KCNMB2: variants seen among roughly 807,000 people sequenced by gnomAD.
KCNMB2 encodes potassium calcium-activated channel subfamily M regulatory beta subunit 2.
KCNMB2 carries 9 observed loss-of-function variants against 24.5 expected under a neutral mutation model. That is an observed-to-expected ratio of 0.37 (90% confidence interval 0.22 to 0.64). The LOEUF (loss-of-function observed/expected upper bound fraction) is 0.64, where lower values mean the gene tolerates loss of function less well. Ranked by LOEUF, KCNMB2 falls within the 30% of genes least tolerant of loss-of-function variation. The pLI is 0.63. For missense variants in KCNMB2, 226 were observed against 284.3 expected (o/e 0.79, Z 1.47); for synonymous variants, 109 against 104.4 (o/e 1.04, Z -0.27).
chr3:178,721,617 T>C (rs1470919382), intron 1 of KCNMB2, among the ~76,000 whole-genome samples: 2 of 152,234 alleles, frequency 1.3e-5, no homozygotes, highest in Non-Finnish European at 2.9e-5. Context: ...GTTCATGTCA[T>C]AAGTGTATGT....
intron 1 of KCNMB2, among the ~76,000 whole-genome samples, chr3:178,629,917 A>G (rs1375264948): frequency 1.3e-5 from 2 of 152,196 alleles, no homozygotes; most frequent in Non-Finnish European, 2.9e-5. Context: ...TAAACAGTAT[A>G]GGCTAGTGAT....
intron 1 of KCNMB2, among the ~76,000 whole-genome samples, chr3:178,620,808 T>C (rs1196775151): frequency 6.6e-6 from 1 of 152,140 alleles, no homozygotes; most frequent in Non-Finnish European, 1.5e-5. Context: ...ATGTGAAAGA[T>C]AAACAGGACT....
At chr3:178,828,004 G>T (rs778429358) in intron 3 of KCNMB2, among the ~76,000 whole-genome samples, 174 bp from the exon 4 acceptor site, 6 of 152,112 alleles carry the variant, frequency 3.9e-5, no homozygotes, top group Non-Finnish European at 8.8e-5. Flanking sequence ...TATGTTATAC[G>T]GTAGTTTGCT....
intron 1 of KCNMB2, among the ~76,000 whole-genome samples, chr3:178,566,002 T>G (rs1191120560): frequency 6.6e-6 from 1 of 152,192 alleles, no homozygotes; most frequent in African/African-American, 2.4e-5. Context: ...GATAGTAACT[T>G]ATCTCTTTGA....
intron 1 of KCNMB2, among the ~76,000 whole-genome samples, chr3:178,763,886 ATAAC>A (rs1334055544): frequency 2.0e-5 from 3 of 152,206 alleles, no homozygotes; most frequent in Admixed American, 6.5e-5. Context: ...GGTGCTAACA[ATAAC>A]TAAGTTAACA....
At chr3:178,788,171 GAGGAACACATGAGTTATGAGC>G (rs980081981) in intron 1 of KCNMB2, among the ~76,000 whole-genome samples, 12 of 152,224 alleles carry the variant, frequency 7.9e-5, no homozygotes, top group African/African-American at 2.9e-4. Flanking sequence ...ACTGATCTAG[GAGGAACACATGAGTTATGAGC>G]AGGTTTCCTC....
chr3:178,731,553 G>A (rs1723150621), intron 1 of KCNMB2, among the ~76,000 whole-genome samples: 1 of 152,182 alleles, frequency 6.6e-6, no homozygotes, highest in African/African-American at 2.4e-5. Flanking sequence ...CAGACATTAT[G>A]TGTTCCCTGA....
At chr3:178,777,574 CT>C (rs1266324914) in intron 1 of KCNMB2, among the ~76,000 whole-genome samples, 1 of 152,160 alleles carries the variant, frequency 6.6e-6, no homozygotes, top group Non-Finnish European at 1.5e-5. Context: ...TCTAGAAACA[CT>C]TTTCATAAAA....
intron 1 of KCNMB2, among the ~76,000 whole-genome samples, chr3:178,758,508 ATATCTC>A (rs1560007323): frequency 2.2e-5 from 1 of 46,456 alleles, no homozygotes; most frequent in Non-Finnish European, 3.7e-5. Flanking sequence ...ATATATATAT[ATATCTC>A]CAAGAGGAGA....
chr3:178,551,375 T>C (rs1483074637), intron 1 of KCNMB2, among the ~76,000 whole-genome samples: 1 of 152,192 alleles, frequency 6.6e-6, no homozygotes, highest in African/African-American at 2.4e-5. Context: ...GCATTGAAAG[T>C]CCTATCCCAA....
chr3:178,613,696 A>G (rs1411425268), intron 1 of KCNMB2, among the ~76,000 whole-genome samples: 1 of 151,916 alleles, frequency 6.6e-6, no homozygotes, highest in Non-Finnish European at 1.5e-5. Flanking sequence ...TGTCAGAGGT[A>G]TTGGAGCTCC....
chr3:178,684,679 A>G (rs550273618), intron 1 of KCNMB2, among the ~76,000 whole-genome samples: 2 of 151,934 alleles, frequency 1.3e-5, no homozygotes, highest in South Asian at 4.2e-4. Flanking sequence ...AATACAAAAA[A>G]AGTTAGCTGG....
intron 1 of KCNMB2, among the ~76,000 whole-genome samples, chr3:178,624,238 T>C (rs1026593273): frequency 2.1e-5 from 2 of 95,878 alleles, no homozygotes; most frequent in African/African-American, 1.1e-4. Context: ...AATTTGTTAC[T>C]GGGTAATTTT....
At chr3:178,834,070 A>T (rs1715138535) in intron 4 of KCNMB2, among the ~76,000 whole-genome samples, 1 of 152,166 alleles carries the variant, frequency 6.6e-6, no homozygotes, top group African/African-American at 2.4e-5. Context: ...TGCCCCTATG[A>T]TTTGAGGTTA....
intron 1 of KCNMB2, among the ~76,000 whole-genome samples, chr3:178,665,358 T>A (rs921571212): frequency 6.6e-6 from 1 of 152,192 alleles, no homozygotes; most frequent in Non-Finnish European, 1.5e-5. Flanking sequence ...TCTAAACAAA[T>A]TCAACATTGT....
At chr3:178,819,240 T>C (rs1714528753) in intron 2 of KCNMB2, among the ~76,000 whole-genome samples, 1 of 152,210 alleles carries the variant, frequency 6.6e-6, no homozygotes, top group Admixed American at 6.5e-5. Flanking sequence ...AAGAATCCAT[T>C]TGTCATCAGT....
intron 1 of KCNMB2, among the ~76,000 whole-genome samples, chr3:178,585,956 G>T (rs1268248452): frequency 6.6e-6 from 1 of 152,206 alleles, no homozygotes; most frequent in Non-Finnish European, 1.5e-5. Context: ...TGGTACAACA[G>T]AAGGTAAGGC....
At chr3:178,659,196 G>A (rs192607560) in intron 1 of KCNMB2, among the ~76,000 whole-genome samples, 10 of 152,342 alleles carry the variant, frequency 6.6e-5, no homozygotes, top group Admixed American at 2.6e-4. Flanking sequence ...GGCCAGATCC[G>A]ATATGACAAC....
intron 1 of KCNMB2, among the ~76,000 whole-genome samples, chr3:178,617,767 T>G (rs1392815306): frequency 1.3e-5 from 2 of 151,598 alleles, no homozygotes; most frequent in African/African-American, 4.8e-5. Flanking sequence ...GGTGGGTACC[T>G]GTAGTCCCAG....
Sources: gnomAD v4.1 joint callset for allele counts (sites outside exome capture counted in the v4.1 genomes callset) on GRCh38, gnomAD v4.1.1 for gene constraint, MANE v1.5 for transcripts, NCBI Gene and HGNC (gene_info 2026-07-23, HGNC 2026-07-21) for gene names.